SMIM21: variants seen among roughly 807,000 people sequenced by gnomAD.
The protein encoded by SMIM21 is chromosome 18 open reading frame 62.
Under a neutral mutation model 8.6 loss-of-function variants are expected in SMIM21, and 8 were observed. The observed-to-expected ratio is 0.93, with a 90% confidence interval of 0.55 to 1.68. The LOEUF (loss-of-function observed/expected upper bound fraction) is 1.68. SMIM21 is among the 40% of genes most tolerant of loss of function. The pLI is 0.00. For missense variants in SMIM21, 132 were observed against 123.0 expected (o/e 1.07, Z -0.35); for synonymous variants, 43 against 41.7 (o/e 1.03, Z -0.12).
At chr18:75,418,559 T>A (rs1440769605) in intron 2 of SMIM21, among the ~76,000 whole-genome samples, 1 of 152,216 alleles carries the variant, frequency 6.6e-6, no homozygotes, top group African/African-American at 2.4e-5. Flanking sequence ...ACTCTGTCTA[T>A]CTATGTGGCC....
At position 75,427,426 on chromosome 18, in the gene SMIM21, T is replaced by C. The variant is rs2024776363; in HGVS notation, c.129+9A>G. 2.5e-6 allele frequency: 4 copies of C among 1,613,138 alleles called. No homozygotes were observed. On this transcript the variant is annotated intron_variant, in intron 1 of 2. Transcript: ENST00000579022. ...CTCATAACCCAAAGTTAAAGACCCA[T>C]AAACTCACTGTGGTAAGTGCTTTCT... is the stretch of plus-strand genomic sequence containing the variant.
intron 2 of SMIM21, chr18:75,416,583 T>G (rs1187211454): frequency 6.6e-6 from 1 of 152,228 alleles, no homozygotes; most frequent in African/African-American, 2.4e-5. Flanking sequence ...CATCTTTTCT[T>G]CCAGTATTCT....
At chr18:75,417,979 T>C (rs1227588211) in intron 2 of SMIM21, 1 of 378,692 alleles carries the variant, frequency 2.6e-6, no homozygotes, top group African/African-American at 2.1e-5. Flanking sequence ...GGTAGTAAGC[T>C]TTTTATTTTT....
chr18:75,422,831 A>G (rs2024723633), intron 1 of SMIM21, among the ~76,000 whole-genome samples: 1 of 152,226 alleles, frequency 6.6e-6, no homozygotes, highest in African/African-American at 2.4e-5. Flanking sequence ...GCTGATGGTC[A>G]TGAGATTTCT....
intron 1 of SMIM21, among the ~76,000 whole-genome samples, chr18:75,424,954 T>A (rs973535181): frequency 3.9e-5 from 6 of 152,240 alleles, no homozygotes; most frequent in African/African-American, 1.4e-4. Context: ...CCTCACGCTG[T>A]TGTGGGCAAA....
intron 1 of SMIM21, among the ~76,000 whole-genome samples, chr18:75,422,619 A>T (rs1474442451): frequency 2.0e-5 from 3 of 152,234 alleles, no homozygotes; most frequent in Non-Finnish European, 4.4e-5. Context: ...GTAGAGTGGA[A>T]TATTAGTCAG....
intron 1 of SMIM21, among the ~76,000 whole-genome samples, chr18:75,420,316 C>G (rs911799267): frequency 6.6e-6 from 1 of 152,186 alleles, no homozygotes; most frequent in African/African-American, 2.4e-5. Context: ...CTTAATGCTG[C>G]TAAAGTCTCT....
At chr18:75,425,580 T>G (rs982151426) in intron 1 of SMIM21, among the ~76,000 whole-genome samples, 1 of 152,238 alleles carries the variant, frequency 6.6e-6, no homozygotes, top group African/African-American at 2.4e-5. Context: ...TTATTAAGTG[T>G]TGTTTTCCTT....
At chr18:75,422,115 C>A (rs1445374229) in intron 1 of SMIM21, among the ~76,000 whole-genome samples, 1 of 152,172 alleles carries the variant, frequency 6.6e-6, no homozygotes, top group African/African-American at 2.4e-5. Flanking sequence ...GCCCACCCAG[C>A]AGGGCCACTG....
chr18:75,420,824 TC>T (rs1443115379), intron 1 of SMIM21, among the ~76,000 whole-genome samples: 1 of 152,128 alleles, frequency 6.6e-6, no homozygotes, highest in African/African-American at 2.4e-5. Context: ...TTTTCCAGGA[TC>T]CTCCAGTTTT....
At chr18:75,412,108 C>T (rs2024590850) in intron 2 of SMIM21, among the ~76,000 whole-genome samples, 1 of 152,136 alleles carries the variant, frequency 6.6e-6, no homozygotes, top group Middle Eastern at 3.2e-3. Flanking sequence ...TCCAAATGTC[C>T]CCCAAGGCTT....
At chr18:75,419,280 G>GC (rs2024684742) in intron 1 of SMIM21, among the ~76,000 whole-genome samples, 1 of 152,130 alleles carries the variant, frequency 6.6e-6, no homozygotes. Context: ...ATAAGTAAAA[G>GC]CCCAGTGAGT....
chr18:75,411,086 G>T lies in SMIM21; in HGVS notation c.261-177C>A, dbSNP rs79961652. On this transcript the variant is annotated intron_variant, in intron 2 of 2. Coordinates refer to ENST00000579022, the MANE Select transcript of SMIM21 (RefSeq NM_001037331.3). ...GATTATACTCACCGGAGCAAGTACTGTTTGATGGTAACAGGAATTTTGAGT... is the reference window on the plus strand; with the variant it reads ...GATTATACTCACCGGAGCAAGTACTTTTTGATGGTAACAGGAATTTTGAGT... Among the ~76,000 whole-genome samples, 263 of 152,258 alleles carry T rather than the reference G, an allele frequency of 1.7e-3. 3 individuals are homozygous for T. In the East Asian group the frequency reaches 0.023, roughly 13 times the overall value.
At chr18:75,419,388 A>T (rs2289095) in intron 1 of SMIM21, among the ~76,000 whole-genome samples, 69,518 of 152,004 alleles carry the variant, frequency 0.46, 18,364 homozygotes, top group East Asian at 0.79. Flanking sequence ...CAAAAATACA[A>T]TTGACAATGT....
At chr18:75,426,299 G>T (rs79046619) in intron 1 of SMIM21, among the ~76,000 whole-genome samples, 5 of 85,270 alleles carry the variant, frequency 5.9e-5, no homozygotes, top group Non-Finnish European at 1.4e-4. Flanking sequence ...TTATTTGTTT[G>T]TTTGTTTGTT....
rs1250576572 is a variant in SMIM21, at chr18:75,414,110, CACACACACACAT to C, written c.261-3213_261-3202del. Among the ~76,000 whole-genome samples the C allele has an allele frequency of 3.9e-3, 570 of 145,746 alleles. 2 individuals carry two copies. The highest frequency in any genetic ancestry group is 7.6e-3 in the Admixed American group (111 of 14,552). ...ACACACACACACATACACACACACA[CACACACACACAT>C]ACACACACACACACACACAGTCATT... On this transcript the variant is annotated intron_variant, in intron 2 of 2. Transcript: ENST00000579022.
chr18:75,412,215 AG>A (rs1449016412), intron 2 of SMIM21, among the ~76,000 whole-genome samples: 1 of 152,186 alleles, frequency 6.6e-6, no homozygotes, highest in Non-Finnish European at 1.5e-5. Flanking sequence ...AAAACAAACA[AG>A]GTTTAGATTC....
At chr18:75,410,937 AT>A in intron 2 of SMIM21, 28 bp from the exon 3 acceptor site, 2 of 1,613,172 alleles carry the variant, frequency 1.2e-6, no homozygotes, top group Non-Finnish European at 1.7e-6. Flanking sequence ...GGGAAAAAGC[AT>A]TTTATTTTTT....
chr18:75,414,075 T>TCACA (rs74180809), intron 2 of SMIM21, among the ~76,000 whole-genome samples: 1 of 126,142 alleles, frequency 7.9e-6, no homozygotes, highest in East Asian at 3.3e-4. Flanking sequence ...TCTCTCTGTC[T>TCACA]CACACACACA....
Sources: gnomAD v4.1 joint callset for allele counts (sites outside exome capture counted in the v4.1 genomes callset) on GRCh38, gnomAD v4.1.1 for gene constraint, MANE v1.5 for transcripts, NCBI Gene and HGNC (gene_info 2026-07-23, HGNC 2026-07-21) for gene names.